The following SLC4A1AP variants were observed in gnomAD, a reference collection of about 807,000 sequenced individuals.
The protein encoded by SLC4A1AP is solute carrier family 4 member 1 adaptor protein.
In SLC4A1AP, 64 loss-of-function variants were observed where a neutral mutation model predicts 89.7. That is an observed-to-expected ratio of 0.71 (90% CI 0.58 to 0.88). The LOEUF (loss-of-function observed/expected upper bound fraction) is 0.88, where lower values mean the gene tolerates loss of function less well. SLC4A1AP is among the 40% of genes least tolerant of loss of function. The probability of loss-of-function intolerance (pLI) is 0.00; values close to 1 mark genes in which losing one functional copy is unlikely to be tolerated. For synonymous variants in SLC4A1AP, 366 were observed against 353.3 expected, an observed-to-expected ratio of 1.04 and a Z score of -0.40; for missense variants, 931 against 965.0, an observed-to-expected ratio of 0.96 and a Z score of 0.47.
In SLC4A1AP at chr2:27,664,087, A is replaced by G. The variant is rs746700084; in HGVS notation, c.335A>G (p.Asn112Ser). The G allele has an allele frequency of 1.3e-5, 21 of 1,614,056 alleles. No individual in the cohort carries two copies. The highest frequency in any genetic ancestry group is 2.2e-5 in the South Asian group (2 of 91,090). ...GGGCCCACTGCGTTGCAGGACTCCA[A>G]TTCTGGGGAGCCCGACATCCCTCCT... Residue 112 changes from asparagine to serine, a missense_variant, in exon 1 of 14, where the codon AAT (asparagine) becomes AGT (serine). Transcript: ENST00000613058.
At chr2:27,677,434 T>G in intron 7 of SLC4A1AP, 70 bp downstream of exon 7, 1 of 1,042,708 alleles carries the variant, frequency 9.6e-7, no homozygotes, top group South Asian at 1.4e-5. Context: ...GGGGCTACAT[T>G]AGTTAATAAG....
exon 3 of SLC4A1AP, chr2:27,667,357 A>G: frequency 1.9e-6 from 3 of 1,612,910 alleles, no homozygotes; most frequent in Non-Finnish European, 2.5e-6. Flanking sequence ...AAAGGATCCC[A>G]AAAAGGCTCT....
rs557527008 is a variant in SLC4A1AP, at chr2:27,689,837, T to A, written c.2271+1070T>A. The stretch of plus-strand genomic sequence containing the variant: ...GCAAACCTTGCAAATAGGTTTTCAA[T>A]GGATAGCAGTCAGCCTTGCTCTGTT... On this transcript the variant is annotated intron_variant, in intron 12 of 13. Coordinates refer to ENST00000613058, the Ensembl canonical transcript of SLC4A1AP. Among the ~76,000 whole-genome samples the A allele has an allele frequency of 2.6e-5, 4 of 152,350 alleles. No homozygotes were observed. In the South Asian group the frequency reaches 8.3e-4, roughly 32 times the overall value.
chr2:27,673,456 C>T (rs75144468), intron 5 of SLC4A1AP, among the ~76,000 whole-genome samples: 4 of 110,298 alleles, frequency 3.6e-5, no homozygotes, highest in East Asian at 3.2e-4. Context: ...TCCTTCCTTC[C>T]TTCCTTCTTT....
chr2:27,687,994 C>T lies in SLC4A1AP; in HGVS notation c.2177C>T (p.Thr726Ile), dbSNP rs141228161. Residue 726 changes from threonine to isoleucine, a missense_variant, in exon 11 of 14, where the codon ACC becomes ATC. Coordinates refer to ENST00000613058, the Ensembl canonical transcript of SLC4A1AP. ...AAAGATTATCAAGACTGTAGCAAAA[C>T]CACTTCATTGTGCGCAGGACCCTCA... 43 of 1,613,748 alleles carry T rather than the reference C, an allele frequency of 2.7e-5. No homozygotes were observed. The highest frequency in any genetic ancestry group is 3.4e-5 in the Non-Finnish European group (40 of 1,179,840).
Position 27,693,835 on chromosome 2 carries a change from A to G in SLC4A1AP, c.2341+81A>G. ...AGGTAATATAGATTTAAGGTTCAAC[A>G]TAAGAAAGTTACAAGAGTATGTAGT... On this transcript the variant is annotated intron_variant, in intron 13 of 13. Transcript: ENST00000613058. The G allele has an allele frequency of 7.5e-6, 8 of 1,066,336 alleles. No homozygotes were observed. In the South Asian group the frequency reaches 1.1e-4, roughly 14 times the overall value. The allele number at this position is 1,066,336 out of a possible 1,614,324, so 66.1% of individuals were successfully genotyped here. A position where few individuals can be genotyped will look rare whatever the true frequency, so the allele number is the denominator to read the frequency against.
At chr2:27,666,370 C>G (rs1572988137) in intron 2 of SLC4A1AP, among the ~76,000 whole-genome samples, 2 of 36,318 alleles carry the variant, frequency 5.5e-5, no homozygotes, top group African/African-American at 1.9e-4. Context: ...CCCCCCCCCC[C>G]CACCCCGCCC....
At chr2:27,688,442 A>AT (rs1675740240) in intron 11 of SLC4A1AP, among the ~76,000 whole-genome samples, 1 of 152,024 alleles carries the variant, frequency 6.6e-6, no homozygotes, top group South Asian at 2.1e-4. Context: ...AATCAGCCTC[A>AT]TTTTTTTTAA....
chr2:27,680,419 G>A (rs1180699417), intron 8 of SLC4A1AP, among the ~76,000 whole-genome samples: 2 of 152,172 alleles, frequency 1.3e-5, no homozygotes, highest in Non-Finnish European at 2.9e-5. Flanking sequence ...TGTAGTTGCA[G>A]TTCTAGTTCT....
At chr2:27,687,856 CTT>C (rs1675726638) in intron 10 of SLC4A1AP, 76 bp from the exon 11 acceptor site, 4 of 1,076,914 alleles carry the variant, frequency 3.7e-6, no homozygotes, top group Non-Finnish European at 4.2e-6. Context: ...TTCTCTTTCT[CTT>C]GTTTTTGTTT....
chr2:27,677,177 T>C (rs1286377015), intron 6 of SLC4A1AP, 118 bp from the exon 7 acceptor site: 8 of 754,272 alleles, frequency 1.1e-5, no homozygotes, highest in Non-Finnish European at 1.8e-5. Flanking sequence ...AGTAGCAGTT[T>C]AACTGGACTT....
intron 10 of SLC4A1AP, among the ~76,000 whole-genome samples, chr2:27,687,015 G>A (rs538192095): frequency 5.6e-4 from 85 of 152,248 alleles, no homozygotes; most frequent in Middle Eastern, 6.8e-3. Flanking sequence ...TGTTGCTCAA[G>A]CTGGTCTCAA....
At chr2:27,689,449 C>T (rs1675755031) in intron 12 of SLC4A1AP, among the ~76,000 whole-genome samples, 1 of 152,108 alleles carries the variant, frequency 6.6e-6, no homozygotes, top group African/African-American at 2.4e-5. Flanking sequence ...GCACCATCAG[C>T]AAAGGGAGAA....
At chr2:27,694,837 T>C in exon 14 of SLC4A1AP, 1 of 508,450 alleles carries the variant, frequency 2.0e-6, no homozygotes, top group Non-Finnish European at 3.6e-6. Context: ...CCTAAATTTA[T>C]CTGCCCATAT....
At chr2:27,664,674 C>T (rs932571762) in intron 1 of SLC4A1AP, 97 bp downstream of exon 1, 1 of 938,306 alleles carries the variant, frequency 1.1e-6, no homozygotes, top group South Asian at 1.6e-5. Flanking sequence ...TCCCACTCAG[C>T]GATTACGAAA....
intron 12 of SLC4A1AP, among the ~76,000 whole-genome samples, chr2:27,690,163 T>TA: frequency 6.6e-6 from 1 of 152,334 alleles, no homozygotes; most frequent in Non-Finnish European, 1.5e-5. Context: ...ATATAATTTT[T>TA]AAAAAATAGC....
In SLC4A1AP at chr2:27,669,364, T is replaced by A. The variant is rs1384256028; in HGVS notation, c.1322T>A (p.Leu441Ter). 6.2e-7 allele frequency: 1 copy of A among 1,610,964 alleles called. No homozygotes were observed. Among genetic ancestry groups the A allele is most frequent in the Non-Finnish European group, 8.5e-7 (1 of 1,179,442 alleles). The stretch of plus-strand genomic sequence containing the variant: ...GAAGCTTGTCGGATTCTTGACACTT[T>A]GGGATTGCTTCGGCAGGAAGCAGGT... The change falls in exon 5 of 14, where the codon TTG becomes TAG. Residue 441 changes from leucine (L) to a stop codon, truncating the protein, a stop_gained. Transcript: ENST00000613058. LOFTEE classifies it high-confidence loss of function.
chr2:27,680,053 G>A (rs535693969), intron 8 of SLC4A1AP, among the ~76,000 whole-genome samples: 1 of 152,242 alleles, frequency 6.6e-6, no homozygotes, highest in South Asian at 2.1e-4. Context: ...ATAGGCTGCC[G>A]GTGACTGGGG....
At chr2:27,674,842 G>T (rs879731582) in intron 5 of SLC4A1AP, among the ~76,000 whole-genome samples, 1 of 150,648 alleles carries the variant, frequency 6.6e-6, no homozygotes, top group Non-Finnish European at 1.5e-5. Flanking sequence ...CTCCTGAGTA[G>T]CTGGGATTAC....
Sources: allele counts gnomAD v4.1 joint callset (sites outside exome capture counted in the v4.1 genomes callset), GRCh38; gene constraint gnomAD v4.1.1; transcripts MANE v1.5; gene names NCBI Gene and HGNC (gene_info 2026-07-23, HGNC 2026-07-21).